Variants in ANKRD44 observed in about 807,000 individuals in gnomAD.
The protein encoded by ANKRD44 is ankyrin repeat domain 44.
A neutral mutation model predicts 116.0 loss-of-function variants in ANKRD44; 35 were observed. That is an observed-to-expected ratio of 0.30 (90% CI 0.23 to 0.40). The LOEUF (loss-of-function observed/expected upper bound fraction) is 0.40, where lower values mean the gene tolerates loss of function less well. Among genes scored for constraint, ANKRD44 ranks in the 10% least tolerant of loss-of-function variants. ANKRD44 has a pLI of 1.00. For synonymous variants in ANKRD44, 435 were observed against 461.8 expected, an observed-to-expected ratio of 0.94 and a Z score of 0.74; for missense variants, 1,014 against 1,242.6, an observed-to-expected ratio of 0.82 and a Z score of 2.77.
chr2:197,078,129 T>C (rs2077712297), intron 16 of ANKRD44: 1 of 156,338 alleles, frequency 6.4e-6, no homozygotes, highest in African/African-American at 2.4e-5. Context: ...ATTAAGACTA[T>C]AATAACAAAC....
intron 3 of ANKRD44, 51 bp downstream of exon 3, chr2:197,146,976 G>T: frequency 6.5e-7 from 1 of 1,537,994 alleles, no homozygotes; most frequent in Non-Finnish European, 9.0e-7. Context: ...TAGTAAATTG[G>T]TTATTTAAAT....
At chr2:197,133,129 C>T (rs2079131056) in intron 4 of ANKRD44, among the ~76,000 whole-genome samples, 2 of 152,226 alleles carry the variant, frequency 1.3e-5, no homozygotes, top group African/African-American at 4.8e-5. Context: ...TCGGCTGGAT[C>T]ACCACGTTGG....
intron 1 of ANKRD44, among the ~76,000 whole-genome samples, chr2:197,277,599 A>C (rs1329165840): frequency 6.6e-6 from 1 of 152,134 alleles, no homozygotes; most frequent in African/African-American, 2.4e-5. Flanking sequence ...AGGCCTAAAG[A>C]AGCAGAATAA....
In ANKRD44 at chr2:197,291,921, G is replaced by GCAAACAGGGAC. The variant is rs1187574458; in HGVS notation, c.27+18656_27+18657insGTCCCTGTTTG. 2.8e-3 allele frequency among the ~76,000 whole-genome samples: 433 copies of GCAAACAGGGAC among 152,288 alleles called. 2 individuals carry two copies. The highest frequency in any genetic ancestry group is 0.01 in the African/African-American group (422 of 41,548). On this transcript the variant is annotated intron_variant, in intron 1 of 27. Transcript: ENST00000282272. ...TCCCACCTATGAGTGAGAACATGCA[G>GCAAACAGGGAC]TGTTTGCTCTTCTGTCCCTGTGATA... is the stretch of plus-strand genomic sequence containing the variant.
chr2:197,171,996 C>CTTTTTTTTTTT (rs1559122763), intron 2 of ANKRD44, among the ~76,000 whole-genome samples: 1 of 29,318 alleles, frequency 3.4e-5, no homozygotes. Flanking sequence ...CGTTATTTTT[C>CTTTTTTTTTTT]TTCTTTTTTT....
chr2:196,975,829 GA>G (rs2075756479), intron 21 of ANKRD44, among the ~76,000 whole-genome samples: 2 of 144,950 alleles, frequency 1.4e-5, no homozygotes, highest in African/African-American at 2.5e-5. Flanking sequence ...AAGAAAGAAA[GA>G]AAGAAAGAAA....
Position 197,089,862 on chromosome 2 carries a change from G to GCAGC in ANKRD44, c.1183+84_1183+87dup, listed in dbSNP as rs1190482609. The GCAGC allele has an allele frequency of 9.9e-6, 11 of 1,114,010 alleles. No homozygotes were observed. In the Admixed American group the frequency reaches 2.1e-4, roughly 21 times the overall value. The allele number at this position is 1,114,010 out of a possible 1,614,324, so 69.0% of individuals were successfully genotyped here. A position where few individuals can be genotyped will look rare whatever the true frequency, so the allele number is the denominator to read the frequency against. ...AGTCAGGTAATGACATGAAGCACAG[G>GCAGC]CAGCCACTCACTCTGACCAGACACC... On this transcript the variant is annotated intron_variant, in intron 11 of 27. Coordinates refer to ENST00000282272, the MANE Select transcript of ANKRD44 (RefSeq NM_001195144.2).
intron 1 of ANKRD44, among the ~76,000 whole-genome samples, chr2:197,191,290 C>T (rs2080815179): frequency 6.6e-6 from 1 of 152,164 alleles, no homozygotes; most frequent in Admixed American, 6.5e-5. Flanking sequence ...ACAACTAGCC[C>T]CCTACTACCT....
intron 8 of ANKRD44, among the ~76,000 whole-genome samples, chr2:197,117,252 A>C (rs965762144): frequency 1.3e-5 from 2 of 151,018 alleles, no homozygotes. Context: ...TTATTTATTT[A>C]TTTTTTTGAC....
intron 1 of ANKRD44, among the ~76,000 whole-genome samples, chr2:197,290,616 T>C (rs1252539251): frequency 6.6e-6 from 1 of 152,194 alleles, no homozygotes; most frequent in Non-Finnish European, 1.5e-5. Context: ...GATCAAGAAA[T>C]TCATTCCAAA....
chr2:197,305,967 TTATATATA>T lies in ANKRD44; in HGVS notation c.27+4603_27+4610del, dbSNP rs374313668. Among the ~76,000 whole-genome samples the T allele has an allele frequency of 1.9e-4, 24 of 124,740 alleles. 2 individuals are homozygous for T. The highest frequency in any genetic ancestry group is 6.1e-4 in the Admixed American group (8 of 13,030). The allele number at this position is 124,740 out of a possible 152,430, so 81.8% of individuals were successfully genotyped here. ...TTTCCTATAATGACCGCAGTTCGTT[TTATATATA>T]TATATATATATATATATGAAAAAAA... On this transcript the variant is annotated intron_variant, in intron 1 of 27. Transcript: ENST00000282272.
At chr2:196,971,012 A>AT (rs1189745740) in intron 21 of ANKRD44, among the ~76,000 whole-genome samples, 2 of 151,852 alleles carry the variant, frequency 1.3e-5, no homozygotes, top group African/African-American at 2.4e-5. Flanking sequence ...CAATATTTTA[A>AT]TTTTTTCTAT....
chr2:196,999,536 A>T (rs1162163576), intron 23 of ANKRD44, among the ~76,000 whole-genome samples: 1 of 151,942 alleles, frequency 6.6e-6, no homozygotes, highest in Non-Finnish European at 1.5e-5. Flanking sequence ...TTTATCTCTC[A>T]GATACACTTG....
chr2:196,998,368 A>G lies in ANKRD44; in HGVS notation c.2717T>C (p.Leu906Ser). Residue 906 changes from leucine (L) to serine (S), a missense_variant, in exon 25 of 28, where the codon TTG (leucine) becomes TCG (serine). Coordinates refer to ENST00000282272, the MANE Select transcript of ANKRD44 (RefSeq NM_001195144.2). ...QADLTVKDKD[L>S]NTPLHLACSK... ...ACAAGCCAAATGTAAGGGTGTATTC[A>G]AGTCCTTATCCTTTACAGTCAGATC... 6.2e-7 allele frequency: 1 copy of G among 1,613,898 alleles called. No homozygotes were observed. The highest frequency in any genetic ancestry group is 8.5e-7 in the Non-Finnish European group (1 of 1,179,876).
intron 1 of ANKRD44, among the ~76,000 whole-genome samples, chr2:197,291,886 A>G (rs1201296944): frequency 2.0e-5 from 3 of 152,064 alleles, no homozygotes; most frequent in African/African-American, 7.2e-5. Flanking sequence ...AAGTGATCTC[A>G]TTGTTCAATT....
intron 2 of ANKRD44, among the ~76,000 whole-genome samples, chr2:197,174,768 T>C (rs2080325464): frequency 2.0e-5 from 3 of 152,138 alleles, no homozygotes; most frequent in African/African-American, 7.2e-5. Context: ...GAACAGTTAG[T>C]GGAGAAAGAC....
intron 16 of ANKRD44, chr2:197,078,417 G>C (rs2077720417): frequency 3.2e-6 from 2 of 618,664 alleles, no homozygotes; most frequent in Non-Finnish European, 4.8e-6. Context: ...CCATGGCAAT[G>C]CTGGTGTTAG....
rs145803248 is a variant in ANKRD44, at chr2:197,128,596, A to C, written c.262-2559T>G. ...CTCCCATTCTGTAGGTTGCCTGTTC[A>C]CTCTGATGATAGTTTCTTTTGCTGT... On this transcript the variant is annotated intron_variant, in intron 4 of 27. Transcript: ENST00000282272. Among the ~76,000 whole-genome samples, 438 of 152,194 alleles carry C rather than the reference A, an allele frequency of 2.9e-3. 1 individual carries two copies. The highest frequency in any genetic ancestry group is 0.017 in the East Asian group (86 of 5,186).
chr2:197,131,056 G>A (rs1038659200), intron 4 of ANKRD44, among the ~76,000 whole-genome samples: 3 of 152,176 alleles, frequency 2.0e-5, no homozygotes, highest in Non-Finnish European at 1.5e-5. Context: ...AACTTCGTTG[G>A]CTCCCTACTA....
Sources: gnomAD v4.1 joint callset for allele counts (sites outside exome capture counted in the v4.1 genomes callset) on GRCh38, gnomAD v4.1.1 for gene constraint, MANE v1.5 for transcripts, NCBI Gene and HGNC (gene_info 2026-07-23, HGNC 2026-07-21) for gene names.